The following UGT1A8 variants were observed in gnomAD, a reference collection of about 807,000 sequenced individuals.
The protein encoded by UGT1A8 is UDP-glucuronosyltransferase 1A8.
In UGT1A8, 39 loss-of-function variants were observed where a neutral mutation model predicts 45.3. The ratio of observed to expected loss-of-function variants is 0.86; its 90% CI spans 0.67 to 1.12. The LOEUF is 1.12. Among genes scored for constraint, UGT1A8 ranks in the 50% most tolerant of loss-of-function variants. The pLI, the probability that UGT1A8 is intolerant of heterozygous loss-of-function variation, is 0.00. For synonymous variants in UGT1A8, 275 were observed against 249.2 expected (o/e 1.10, Z -0.97); for missense variants, 719 against 664.9 (o/e 1.08, Z -0.90).
rs574965907 is a variant in UGT1A8 at position 233,633,286 on chromosome 2, C to T, written c.855+14724C>T. Among the ~76,000 whole-genome samples the T allele has an allele frequency of 3.3e-5, 5 of 152,228 alleles. No individual in the cohort carries two copies. The East Asian group carries it at 7.7e-4, about 24-fold the overall frequency. On this transcript the variant is annotated intron_variant, in intron 1 of 4. Coordinates refer to ENST00000373450, the MANE Select transcript of UGT1A8 (RefSeq NM_019076.5). ...CCTGAAATTTTTTTGGTTGTTGTGT[C>T]TCTGCCACATCCTGGTATCAGGATG...
chr2:233,654,729 C>T (rs1245738480), intron 1 of UGT1A8, among the ~76,000 whole-genome samples: 1 of 152,176 alleles, frequency 6.6e-6, no homozygotes, highest in Non-Finnish European at 1.5e-5. Flanking sequence ...GGTAACACAA[C>T]GAGCTGCAAA....
At position 233,672,270 on chromosome 2, in the gene UGT1A8, A is replaced by C. The variant is rs767124144; in HGVS notation, c.855+53708A>C. 1.1e-5 allele frequency: 17 copies of C among 1,614,118 alleles called. No individual in the cohort carries two copies. The South Asian group carries it at 1.9e-4, about 18-fold the overall frequency. Reference sequence around the variant, plus strand: ...GTATATATTCTCTATTAATGGGTTCATACAATGACATTTTTGACTTATTTT... The same window carrying C: ...GTATATATTCTCTATTAATGGGTTCCTACAATGACATTTTTGACTTATTTT... On this transcript the variant is annotated intron_variant, in intron 1 of 4. Transcript: ENST00000373450.
At chr2:233,619,306 T>G (rs933276323) in intron 1 of UGT1A8, among the ~76,000 whole-genome samples, 3 of 152,178 alleles carry the variant, frequency 2.0e-5, no homozygotes, top group Non-Finnish European at 4.4e-5. Context: ...AGTCTTTACT[T>G]TGGATGCTAT....
intron 1 of UGT1A8, among the ~76,000 whole-genome samples, chr2:233,736,326 T>A (rs2078751393): frequency 6.6e-6 from 1 of 152,232 alleles, no homozygotes; most frequent in South Asian, 2.1e-4. Flanking sequence ...TGTGCATGTG[T>A]TATGAAGTTC....
At chr2:233,706,203 G>A (rs543652035) in intron 1 of UGT1A8, among the ~76,000 whole-genome samples, 11 of 152,352 alleles carry the variant, frequency 7.2e-5, no homozygotes, top group African/African-American at 2.6e-4. Flanking sequence ...CCTCCACAAA[G>A]CTGGCCCAGG....
chr2:233,693,626 C>T lies in UGT1A8; in HGVS notation c.856-73408C>T, dbSNP rs571650145. 6.3e-5 allele frequency: 101 copies of T among 1,614,196 alleles called. 1 individual carries two copies. The highest frequency in any genetic ancestry group is 6.1e-4 in the South Asian group (56 of 91,072). On this transcript the variant is annotated intron_variant, in intron 1 of 4. Coordinates refer to ENST00000373450, the MANE Select transcript of UGT1A8 (RefSeq NM_019076.5). Reference sequence around the variant, plus strand: ...TTCAGACCACATGACTTTTTCCCAACGAGTGGCCAACTTCCTTGTTAATTT... The same window carrying T: ...TTCAGACCACATGACTTTTTCCCAATGAGTGGCCAACTTCCTTGTTAATTT...
At chr2:233,722,848 T>C (rs1217979615) in intron 1 of UGT1A8, among the ~76,000 whole-genome samples, 1 of 128,186 alleles carries the variant, frequency 7.8e-6, no homozygotes, top group Non-Finnish European at 1.7e-5. Flanking sequence ...AATGTTTCTT[T>C]TTTTTTTTTT....
intron 1 of UGT1A8, chr2:233,729,464 G>T: frequency 6.2e-7 from 1 of 1,614,158 alleles, no homozygotes; most frequent in Non-Finnish European, 8.5e-7. Context: ...TTTTTCAGAA[G>T]TATGGCAATG....
chr2:233,768,426 A>G lies in UGT1A8; in HGVS notation c.1282A>G (p.Ile428Val), dbSNP rs1699609546. 6.2e-7 allele frequency: 1 copy of G among 1,614,122 alleles called. No homozygotes were observed. Among genetic ancestry groups the G allele is most frequent in the African/African-American group, 1.3e-5 (1 of 75,056 alleles). The change falls in exon 4 of 5, where the codon ATC (isoleucine) becomes GTC (valine). Residue 428 changes from isoleucine (I) to valine (V), a missense_variant. By Grantham distance (29) the Ile-to-Val change is conservative. Transcript: ENST00000373450. ...EDLENALKAVINDKSYKENIM... is the reference protein window; with the variant it reads ...EDLENALKAVVNDKSYKENIM... ...TTTAGAAAATGCTCTAAAAGCAGTC[A>G]TCAATGACAAAAGGTAAGAAAGAAG...
At position 233,618,198 on chromosome 2, in the gene UGT1A8, C is replaced by T. The variant is rs769499369; in HGVS notation, c.491C>T (p.Pro164Leu). Reference protein sequence around the residue: ...GLIVAKYFSLPSVVFARGIAC... With the variant: ...GLIVAKYFSLLSVVFARGIAC... ...ATTGTTGCCAAATATTTCTCCCTCC[C>T]CTCTGTGGTCTTCGCCAGGGGAATA... The change falls in exon 1 of 5, where the codon CCC becomes CTC. Residue 164 changes from proline (P) to leucine (L), a missense_variant. Coordinates refer to ENST00000373450, the MANE Select transcript of UGT1A8 (RefSeq NM_019076.5). The T allele has an allele frequency of 9.3e-6, 15 of 1,614,000 alleles. No homozygotes were observed. The highest frequency in any genetic ancestry group is 1.3e-5 in the Non-Finnish European group (15 of 1,179,974).
intron 1 of UGT1A8, among the ~76,000 whole-genome samples, chr2:233,719,880 G>C (rs28898611): frequency 0.021 from 3,198 of 152,256 alleles, 101 homozygotes; most frequent in African/African-American, 0.073. Context: ...GAAGAGGCAC[G>C]GATGAGGGTC....
intron 1 of UGT1A8, among the ~76,000 whole-genome samples, chr2:233,707,461 T>C (rs1015244462): frequency 6.6e-6 from 1 of 152,148 alleles, no homozygotes; most frequent in Admixed American, 6.5e-5. Context: ...TAAATTTGCA[T>C]CTGTAAATAA....
intron 1 of UGT1A8, chr2:233,747,962 C>T (rs780665543): frequency 3.7e-6 from 6 of 1,613,470 alleles, no homozygotes; most frequent in Non-Finnish European, 4.2e-6. Context: ...ATCTTCTCAG[C>T]CATGCATCTG....
chr2:233,759,599 A>ACCCCCCCCCCCC (rs1553620419), intron 1 of UGT1A8, among the ~76,000 whole-genome samples: 28 of 108,656 alleles, frequency 2.6e-4, no homozygotes, highest in African/African-American at 6.5e-4. Context: ...CCCACCCCCG[A>ACCCCCCCCCCCC]CCCGCCCCAC....
chr2:233,729,681 A>C (rs200127379), intron 1 of UGT1A8: 1 of 1,613,946 alleles, frequency 6.2e-7, no homozygotes. Flanking sequence ...TTAAGGGCAC[A>C]CAGTGTCCAA....
intron 1 of UGT1A8, among the ~76,000 whole-genome samples, chr2:233,656,639 TC>T (rs1163988819): frequency 2.6e-5 from 4 of 152,100 alleles, no homozygotes; most frequent in African/African-American, 9.7e-5. Flanking sequence ...GTCCACTGAG[TC>T]CATCTCATCT....
rs34150486 is a variant in UGT1A8, at chr2:233,743,623, G to A, written c.856-23411G>A. 20 of 1,367,332 alleles carry A rather than the reference G, an allele frequency of 1.5e-5. No homozygotes were observed. In the South Asian group the frequency reaches 1.8e-4, roughly 12 times the overall value. 84.7% of individuals were successfully genotyped at this position (1,367,332 alleles called of 1,614,324 possible). A position where few individuals can be genotyped will look rare whatever the true frequency, so the allele number is the denominator to read the frequency against. ...GGCCGCCGAAGAACTCCCTGAAGAC[G>A]TCGGCTGGGTCGCGGAAGCTGAAGA... On this transcript the variant is annotated intron_variant, in intron 1 of 4. Transcript: ENST00000373450.
intron 1 of UGT1A8, among the ~76,000 whole-genome samples, chr2:233,623,045 G>A (rs1473058395): frequency 6.6e-6 from 1 of 152,066 alleles, no homozygotes; most frequent in Non-Finnish European, 1.5e-5. Flanking sequence ...TAGATATGTG[G>A]TGTTATTCCT....
chr2:233,761,375 C>T (rs1238115278), intron 1 of UGT1A8, among the ~76,000 whole-genome samples: 2 of 152,226 alleles, frequency 1.3e-5, no homozygotes, highest in Non-Finnish European at 2.9e-5. Context: ...GGACATTTTA[C>T]TCTGTGTGCT....
Sources: allele counts gnomAD v4.1 joint callset (sites outside exome capture counted in the v4.1 genomes callset), GRCh38; gene constraint gnomAD v4.1.1; transcripts MANE v1.5; gene names NCBI Gene and HGNC (gene_info 2026-07-23, HGNC 2026-07-21).